Variants in LARP1 observed in about 807,000 individuals in gnomAD.
LARP1 encodes the protein la-related protein 1.
A neutral mutation model predicts 122.7 loss-of-function variants in LARP1; 36 were observed. That is an observed-to-expected ratio of 0.29 (90% CI 0.22 to 0.39). LARP1 has a LOEUF of 0.39. Among genes scored for constraint, LARP1 ranks in the 10% least tolerant of loss-of-function variants. The pLI is 1.00. For synonymous variants in LARP1, 539 were observed against 528.7 expected (o/e 1.02, Z -0.27); for missense variants, 1,040 against 1,403.6 (o/e 0.74, Z 4.14).
chr5:154,782,779 T>TG (rs1367040935), intron 1 of LARP1, among the ~76,000 whole-genome samples: 2 of 152,158 alleles, frequency 1.3e-5, no homozygotes, highest in Non-Finnish European at 2.9e-5. Flanking sequence ...GTGGGAGGAC[T>TG]GGGCAGAGAG....
At chr5:154,795,078 T>G (rs1582435485) in intron 7 of LARP1, 97 bp from the exon 8 acceptor site, 3 of 1,177,572 alleles carry the variant, frequency 2.5e-6, no homozygotes. Flanking sequence ...TCAGAGGCTG[T>G]GTGAGATTGC....
chr5:154,780,389 T>C (rs1398405026), intron 1 of LARP1, among the ~76,000 whole-genome samples: 2 of 152,224 alleles, frequency 1.3e-5, no homozygotes, highest in African/African-American at 2.4e-5. Flanking sequence ...CTTGACAGTA[T>C]CGGTAATTTT....
At chr5:154,792,941 C>T (rs757411222) in intron 4 of LARP1, 145 bp downstream of exon 4, 73 of 749,972 alleles carry the variant, frequency 9.7e-5, no homozygotes, top group Non-Finnish European at 1.4e-4. Context: ...GGTGAGATAG[C>T]AGTCTTCAAC....
chr5:154,781,949 C>T (rs994256539), intron 1 of LARP1, among the ~76,000 whole-genome samples: 13 of 152,026 alleles, frequency 8.6e-5, no homozygotes, highest in Non-Finnish European at 1.6e-4. Context: ...TAGTGAGTAC[C>T]CTGAAGATCT....
rs1472783910 is a variant in LARP1 at position 154,755,410 on chromosome 5, C to G, written c.-348C>G. Among the ~76,000 whole-genome samples, 2 of 151,052 alleles carry G rather than the reference C, an allele frequency of 1.3e-5. No homozygotes were observed. The highest frequency in any genetic ancestry group is 3.9e-4 in the East Asian group (2 of 5,064). On this transcript the variant is annotated 5_prime_UTR_variant, in exon 1 of 19. Transcript: ENST00000518297. Reference sequence around the variant, plus strand: ...TGCTGCAGCCCCCGAGCCGGGAAGCCCGGGCCGCCCCGGGGGCGGGGGGGA... The same window carrying G: ...TGCTGCAGCCCCCGAGCCGGGAAGCGCGGGCCGCCCCGGGGGCGGGGGGGA...
intron 1 of LARP1, among the ~76,000 whole-genome samples, chr5:154,777,327 G>A (rs1221723810): frequency 2.6e-5 from 4 of 151,278 alleles, no homozygotes; most frequent in African/African-American, 7.3e-5. Context: ...CCTGGCCAAC[G>A]TGGTGAAACC....
intron 1 of LARP1, among the ~76,000 whole-genome samples, chr5:154,684,127 A>G (rs1195212011): frequency 6.6e-6 from 1 of 152,076 alleles, no homozygotes; most frequent in Non-Finnish European, 1.5e-5. Context: ...CTCAGCTCCT[A>G]ATGTGTACAT....
At chr5:154,706,691 C>T (rs1754967126) in intron 1 of LARP1, among the ~76,000 whole-genome samples, 1 of 150,812 alleles carries the variant, frequency 6.6e-6, no homozygotes, top group South Asian at 2.1e-4. Flanking sequence ...AACCCACACA[C>T]ACATCCCCTG....
At chr5:154,760,674 G>A (rs951670564) in intron 1 of LARP1, among the ~76,000 whole-genome samples, 3 of 152,218 alleles carry the variant, frequency 2.0e-5, no homozygotes, top group Admixed American at 6.5e-5. Context: ...CCAGTTTATA[G>A]GGAAATGGGG....
At chr5:154,754,854 G>A (rs575104212), upstream of LARP1, among the ~76,000 whole-genome samples, 10 of 152,242 alleles carry the variant, frequency 6.6e-5, no homozygotes, top group Non-Finnish European at 1.5e-4. Context: ...GCGCGTCCTC[G>A]GGGCGGATGA....
chr5:154,772,770 C>T (rs1347018276), intron 1 of LARP1, among the ~76,000 whole-genome samples: 1 of 152,180 alleles, frequency 6.6e-6, no homozygotes, highest in Non-Finnish European at 1.5e-5. Context: ...TCACCACAAC[C>T]TCCGCCTCCC....
chr5:154,768,931 T>C (rs1374835596), intron 1 of LARP1, among the ~76,000 whole-genome samples: 1 of 152,210 alleles, frequency 6.6e-6, no homozygotes, highest in Non-Finnish European at 1.5e-5. Flanking sequence ...AACCTCCGCC[T>C]GCTGAGTTCA....
chr5:154,801,913 T>C, intron 10 of LARP1, 94 bp from the exon 11 acceptor site: 1 of 1,241,834 alleles, frequency 8.1e-7, no homozygotes, highest in Non-Finnish European at 1.1e-6. Context: ...AGTCTTATGT[T>C]GAGAGGCTGG....
intron 3 of LARP1, 72 bp downstream of exon 3, chr5:154,790,782 A>G: frequency 6.2e-6 from 8 of 1,281,066 alleles, no homozygotes; most frequent in Admixed American, 1.7e-5. Flanking sequence ...TCAAGCTTCC[A>G]GAGAGCCTCA....
intron 1 of LARP1, chr5:154,729,495 T>C (rs950568547): frequency 2.5e-6 from 1 of 403,472 alleles, no homozygotes; most frequent in South Asian, 2.0e-5. Flanking sequence ...AATCTGCCTA[T>C]TGAGCACATT....
intron 16 of LARP1, among the ~76,000 whole-genome samples, chr5:154,811,028 T>C (rs1158196159): frequency 6.6e-6 from 1 of 152,202 alleles, no homozygotes; most frequent in Non-Finnish European, 1.5e-5. Flanking sequence ...AGTAAACAAA[T>C]GTCTGTGGCA....
At chr5:154,748,781 A>G (rs1480793959) in intron 1 of LARP1, among the ~76,000 whole-genome samples, 1 of 152,218 alleles carries the variant, frequency 6.6e-6, no homozygotes, top group Non-Finnish European at 1.5e-5. Flanking sequence ...AGGCTTAGAG[A>G]GAAGTTAAAT....
intron 1 of LARP1, among the ~76,000 whole-genome samples, chr5:154,789,290 G>T (rs1357674409): frequency 7.3e-6 from 1 of 137,908 alleles, no homozygotes; most frequent in Admixed American, 7.7e-5. Context: ...CGTTATCTCG[G>T]CTCACTGCAA....
At chr5:154,798,603 G>A (rs879626458) in intron 8 of LARP1, among the ~76,000 whole-genome samples, 3 of 151,902 alleles carry the variant, frequency 2.0e-5, no homozygotes, top group Non-Finnish European at 4.4e-5. Context: ...AAAGCTCACT[G>A]CAACCTCAAC....
Sources: allele counts gnomAD v4.1 joint callset (sites outside exome capture counted in the v4.1 genomes callset), GRCh38; gene constraint gnomAD v4.1.1; transcripts MANE v1.5; gene names NCBI Gene and HGNC (gene_info 2026-07-23, HGNC 2026-07-21).